The following GALNT18 variants were observed in gnomAD, a reference collection of about 807,000 sequenced individuals.
The protein encoded by GALNT18 is polypeptide N-acetylgalactosaminyltransferase 18, also known as GalNAc-transferase 18.
Under a neutral mutation model 69.5 loss-of-function variants are expected in GALNT18, and 44 were observed. The ratio of observed to expected loss-of-function variants is 0.63; its 90% CI spans 0.50 to 0.81. The LOEUF (loss-of-function observed/expected upper bound fraction) is 0.81, where lower values mean the gene tolerates loss of function less well. Ranked by LOEUF, GALNT18 falls within the 40% of genes least tolerant of loss-of-function variation. The pLI is 0.00. For missense variants in GALNT18, 715 were observed against 810.0 expected (o/e 0.88, Z 1.42); for synonymous variants, 364 against 318.2 (o/e 1.14, Z -1.53).
At chr11:11,575,754 G>C (rs1293023091) in intron 1 of GALNT18, among the ~76,000 whole-genome samples, 3 of 152,158 alleles carry the variant, frequency 2.0e-5, no homozygotes, top group Non-Finnish European at 4.4e-5. Context: ...AAAGGGAGGA[G>C]AAAGGAGAGA....
rs1203358808 is a variant in GALNT18 at position 11,421,234 on chromosome 11, C to T, written c.595+11387G>A. Among the ~76,000 whole-genome samples the T allele has an allele frequency of 3.9e-5, 6 of 152,018 alleles. No homozygotes were observed. Among genetic ancestry groups the T allele is most frequent in the Admixed American group, 2.0e-4 (3 of 15,270 alleles). The stretch of plus-strand genomic sequence containing the variant: ...CATGTTGGGACCTCAGCAGAGAGGC[C>T]GGTGAGAGCAGAGAAGAGGCTGGCA... On this transcript the variant is annotated intron_variant, in intron 3 of 10. Coordinates refer to ENST00000227756, the MANE Select transcript of GALNT18 (RefSeq NM_198516.3). The surrounding 1 kb of genome is among the most constrained non-coding windows in gnomAD (Gnocchi z 5.6).
At chr11:11,292,828 G>A (rs979697356) in intron 10 of GALNT18, among the ~76,000 whole-genome samples, 2 of 152,126 alleles carry the variant, frequency 1.3e-5, no homozygotes, top group Non-Finnish European at 2.9e-5. Flanking sequence ...GGGGTCAATA[G>A]TCAACACATG....
In GALNT18 at chr11:11,356,369, C is replaced by A. The variant is rs555970699; in HGVS notation, c.1093-15365G>T. On this transcript the variant is annotated intron_variant, in intron 6 of 10. Transcript: ENST00000227756. The surrounding 1 kb of genome is among the most constrained non-coding windows in gnomAD (Gnocchi z 4.4). ...GAAGCTACCTTCCAGGGTCTGATAC[C>A]GACCAGCATGCAGACTCAGCTAAAG... is the stretch of plus-strand genomic sequence containing the variant. 6.6e-6 allele frequency among the ~76,000 whole-genome samples: 1 copy of A among 152,050 alleles called. No homozygotes were observed. Among genetic ancestry groups the A allele is most frequent in the South Asian group, 2.1e-4 (1 of 4,814 alleles).
intron 10 of GALNT18, among the ~76,000 whole-genome samples, chr11:11,292,205 A>G (rs776847458): frequency 2.0e-5 from 3 of 152,100 alleles, no homozygotes; most frequent in Non-Finnish European, 2.9e-5. Flanking sequence ...ACTTCCTGTT[A>G]TTAACGCTTT....
In GALNT18 at chr11:11,620,317, G is replaced by T. The variant is rs1860156923; in HGVS notation, c.235+1042C>A. Among the ~76,000 whole-genome samples, 1 of 52,696 alleles carries T rather than the reference G, an allele frequency of 1.9e-5. No homozygotes were observed. The highest frequency in any genetic ancestry group is 3.9e-5 in the African/African-American group (1 of 25,738). The allele number at this position is 52,696 out of a possible 152,430, so 34.6% of individuals were successfully genotyped here. On this transcript the variant is annotated intron_variant, in intron 1 of 10. Coordinates refer to ENST00000227756, the MANE Select transcript of GALNT18 (RefSeq NM_198516.3). This position sits in a 1 kb window ranked among gnomAD's most constrained non-coding sequence, Gnocchi z 6.9. ...GGGAGGGGAGGAAGTGTGGACGTGA[G>T]CGCGCGCGCGCGCGCGTGTGTGTGT...
At chr11:11,274,554 ATTT>A (rs910374147) in intron 10 of GALNT18, among the ~76,000 whole-genome samples, 1 of 152,250 alleles carries the variant, frequency 6.6e-6, no homozygotes, top group African/African-American at 2.4e-5. Context: ...GGTTTTTAAA[ATTT>A]TTTATTATTG....
intron 3 of GALNT18, among the ~76,000 whole-genome samples, chr11:11,420,778 C>G (rs1266149672): frequency 6.6e-6 from 1 of 152,172 alleles, no homozygotes; most frequent in Non-Finnish European, 1.5e-5. Context: ...TTTCTAGGGA[C>G]AGCTTGATCC....
intron 9 of GALNT18, among the ~76,000 whole-genome samples, chr11:11,319,267 G>A (rs940785643): frequency 1.3e-5 from 2 of 152,206 alleles, no homozygotes; most frequent in South Asian, 2.1e-4. Context: ...TCCAAGTCAT[G>A]AAGCTCAAAT....
chr11:11,274,722 C>T (rs1287015301), intron 10 of GALNT18, among the ~76,000 whole-genome samples: 5 of 152,122 alleles, frequency 3.3e-5, no homozygotes, highest in Admixed American at 3.3e-4. Flanking sequence ...CCTGACAAGC[C>T]CCAGTGTGTG....
At chr11:11,416,639 C>A (rs1854863962) in intron 3 of GALNT18, among the ~76,000 whole-genome samples, 1 of 152,192 alleles carries the variant, frequency 6.6e-6, no homozygotes, top group Non-Finnish European at 1.5e-5. Context: ...AAGATCTATT[C>A]CTGAGTTTTG....
chr11:11,488,889 T>C (rs1856699545), intron 1 of GALNT18, among the ~76,000 whole-genome samples: 1 of 152,208 alleles, frequency 6.6e-6, no homozygotes, highest in African/African-American at 2.4e-5. Flanking sequence ...TTAACCTCTT[T>C]GTTCTTCACA....
At chr11:11,274,849 T>C (rs1370694431) in intron 10 of GALNT18, among the ~76,000 whole-genome samples, 1 of 152,238 alleles carries the variant, frequency 6.6e-6, no homozygotes. Context: ...CTGAGGATGA[T>C]GGTTTCCAGC....
chr11:11,365,228 T>C (rs141686591), intron 6 of GALNT18, among the ~76,000 whole-genome samples: 6 of 152,272 alleles, frequency 3.9e-5, no homozygotes, highest in East Asian at 1.9e-4. Context: ...CTTCCACTTA[T>C]GGGTGAGAAC....
chr11:11,370,067 T>C (rs1413990110), intron 6 of GALNT18, among the ~76,000 whole-genome samples: 1 of 137,966 alleles, frequency 7.2e-6, no homozygotes, highest in Non-Finnish European at 1.6e-5. Flanking sequence ...AATTTCACAG[T>C]ATCTTATGGA....
In GALNT18 at chr11:11,379,083, G is replaced by T; in HGVS notation, c.777C>A (p.Gly259=). The change falls in exon 4 of 11, where the codon GGC becomes GGA. Residue 259 remains glycine (G), a splice_region_variant and synonymous_variant. Transcript: ENST00000227756. The part of the protein sequence containing the change: ...LFDAHVEFNV[G]WAEPVLTRIK... ...CTCCTCTCCCAAGGGGCACTTACCA[G>T]CCCACATTGAACTCCACGTGGGCAT... 6.3e-7 allele frequency: 1 copy of T among 1,597,216 alleles called. No individual in the cohort carries two copies. The highest frequency in any genetic ancestry group is 8.5e-7 in the Non-Finnish European group (1 of 1,175,132).
At chr11:11,289,422 G>A (rs1402246706) in intron 10 of GALNT18, among the ~76,000 whole-genome samples, 5 of 152,222 alleles carry the variant, frequency 3.3e-5, no homozygotes, top group Non-Finnish European at 7.3e-5. Context: ...AGTCACCGAA[G>A]AGCCTTGTGC....
intron 2 of GALNT18, among the ~76,000 whole-genome samples, chr11:11,443,186 G>A (rs904408924): frequency 1.3e-5 from 2 of 152,124 alleles, no homozygotes; most frequent in African/African-American, 4.8e-5. Flanking sequence ...CGGCTGGGGT[G>A]AGAAGCCCAC....
intron 3 of GALNT18, among the ~76,000 whole-genome samples, chr11:11,409,629 A>C (rs1239163357): frequency 2.8e-4 from 35 of 127,230 alleles, no homozygotes; most frequent in African/African-American, 1.1e-3. Flanking sequence ...CTCCCCAGTC[A>C]CTAGAGGCAG....
At chr11:11,518,638 A>G (rs1297856621) in intron 1 of GALNT18, among the ~76,000 whole-genome samples, 1 of 152,270 alleles carries the variant, frequency 6.6e-6, no homozygotes, top group African/African-American at 2.4e-5. Context: ...AGACACAAAG[A>G]TGCAAATTCT....
Sources: allele counts gnomAD v4.1 joint callset (sites outside exome capture counted in the v4.1 genomes callset), GRCh38; gene constraint gnomAD v4.1.1; non-coding constraint Gnocchi (gnomAD v3.1); transcripts MANE v1.5; gene names NCBI Gene and HGNC (gene_info 2026-07-23, HGNC 2026-07-21).